DPP10: variants seen among roughly 807,000 people sequenced by gnomAD.
DPP10 encodes inactive dipeptidyl peptidase 10.
Under a neutral mutation model 120.9 loss-of-function variants are expected in DPP10, and 33 were observed. The ratio of observed to expected loss-of-function variants is 0.27; its 90% CI spans 0.21 to 0.37. The LOEUF is 0.37. DPP10 is among the 10% of genes least tolerant of loss of function. DPP10 has a pLI of 1.00. For synonymous variants in DPP10, 337 were observed against 326.1 expected, an observed-to-expected ratio of 1.03 and a Z score of -0.36; for missense variants, 816 against 942.8, an observed-to-expected ratio of 0.87 and a Z score of 1.76.
At chr2:115,638,782 A>G (rs2086552658) in intron 5 of DPP10, among the ~76,000 whole-genome samples, 1 of 152,216 alleles carries the variant, frequency 6.6e-6, no homozygotes, top group Non-Finnish European at 1.5e-5. Context: ...ATTTTGGTCA[A>G]CAAAACAGGA....
At position 114,652,988 on chromosome 2, in the gene DPP10, AAGAGAGAG is replaced by A. The variant is rs138466082; in HGVS notation, c.60+210164_60+210171del. ...TTTTCCCTCTTTTCTCTCTCATTGG[AAGAGAGAG>A]AGAGAGAGAGAGAAAGAGAGAGAGA... On this transcript the variant is annotated intron_variant, in intron 1 of 25. Transcript: ENST00000410059. 8.5e-3 allele frequency among the ~76,000 whole-genome samples: 1,154 copies of A among 135,454 alleles called. 8 individuals are homozygous for A. The highest frequency in any genetic ancestry group is 0.031 in the African/African-American group (1,090 of 35,150). 88.9% of individuals were successfully genotyped at this position (135,454 alleles called of 152,430 possible).
chr2:114,950,806 A>C (rs1697730042), intron 1 of DPP10, among the ~76,000 whole-genome samples: 2 of 152,172 alleles, frequency 1.3e-5, no homozygotes, highest in Non-Finnish European at 2.9e-5. Flanking sequence ...AAACACTAGA[A>C]AATAAATGAT....
intron 1 of DPP10, among the ~76,000 whole-genome samples, chr2:114,767,025 C>A (rs1233264062): frequency 6.8e-6 from 1 of 147,326 alleles, no homozygotes; most frequent in Admixed American, 6.9e-5. Flanking sequence ...TTTCCTAGAG[C>A]GAAACTAGTG....
At chr2:114,670,200 G>A (rs1447631430) in intron 1 of DPP10, among the ~76,000 whole-genome samples, 2 of 152,066 alleles carry the variant, frequency 1.3e-5, no homozygotes, top group African/African-American at 4.8e-5. Flanking sequence ...AAATCATGCT[G>A]CTATAAAGAC....
At position 115,746,135 on chromosome 2, in the gene DPP10, G is replaced by A; in HGVS notation, c.902G>A (p.Gly301Glu). ...TIKLYVVNLY[G>E]PTHTLELMPP... ...AAATTATATGTTGTAAACCTGTATG[G>A]ACCAACTCACACTTTGGAGCTCATG... Residue 301 changes from glycine to glutamate, a missense_variant, in exon 10 of 26, where the codon GGA becomes GAA. Physicochemically the swap from Gly to Glu is moderately conservative, Grantham distance 98 (BLOSUM62 -2). Coordinates refer to ENST00000410059, the MANE Select transcript of DPP10 (RefSeq NM_020868.6). The A allele has an allele frequency of 6.2e-7, 1 of 1,612,570 alleles. No individual in the cohort carries two copies. Among genetic ancestry groups the A allele is most frequent in the Non-Finnish European group, 8.5e-7 (1 of 1,179,496 alleles).
intron 1 of DPP10, among the ~76,000 whole-genome samples, chr2:114,691,563 G>C (rs983670559): frequency 6.6e-6 from 1 of 152,076 alleles, no homozygotes; most frequent in African/African-American, 2.4e-5. Flanking sequence ...TTTGTATCCG[G>C]ATGATGCTGA....
chr2:114,593,766 G>A (rs1184017815), intron 1 of DPP10, among the ~76,000 whole-genome samples: 1 of 152,082 alleles, frequency 6.6e-6, no homozygotes, highest in African/African-American at 2.4e-5. Flanking sequence ...TGGGGGATTG[G>A]CGGGGAGAAG....
chr2:114,846,409 A>G, intron 1 of DPP10, among the ~76,000 whole-genome samples: 1 of 152,180 alleles, frequency 6.6e-6, no homozygotes, highest in South Asian at 2.1e-4. Flanking sequence ...ATCTTTAAGA[A>G]ACAAAAATCA....
intron 1 of DPP10, among the ~76,000 whole-genome samples, chr2:114,866,112 A>AAAATAAATAAATAAATAAATAAAT (rs10650348): frequency 7.1e-6 from 1 of 141,600 alleles, no homozygotes; most frequent in Non-Finnish European, 1.5e-5. Context: ...CTCTGTCTCA[A>AAAATAAATAAATAAATAAATAAAT]AAATAAATAA....
At chr2:115,006,198 A>G (rs1701827799) in intron 1 of DPP10, among the ~76,000 whole-genome samples, 1 of 152,130 alleles carries the variant, frequency 6.6e-6, no homozygotes, top group South Asian at 2.1e-4. Flanking sequence ...GGCCTGCCCT[A>G]AAAGAGCTCC....
intron 1 of DPP10, among the ~76,000 whole-genome samples, chr2:114,970,323 T>C (rs1699310247): frequency 6.6e-6 from 1 of 152,130 alleles, no homozygotes; most frequent in South Asian, 2.1e-4. Flanking sequence ...AGCACATAGG[T>C]TTACTGGTCA....
intron 2 of DPP10, among the ~76,000 whole-genome samples, chr2:115,309,775 C>G (rs2061506141): frequency 6.6e-6 from 1 of 151,974 alleles, no homozygotes. Flanking sequence ...AAGATCAGAT[C>G]GAAAGAGAGT....
At chr2:114,840,963 T>C (rs1366042363) in intron 1 of DPP10, among the ~76,000 whole-genome samples, 2 of 152,250 alleles carry the variant, frequency 1.3e-5, no homozygotes, top group East Asian at 3.9e-4. Flanking sequence ...ACTGGCAAGC[T>C]TCCCTACCAG....
intron 12 of DPP10, among the ~76,000 whole-genome samples, chr2:115,766,452 G>A (rs909318680): frequency 2.7e-5 from 4 of 150,188 alleles, no homozygotes; most frequent in South Asian, 2.1e-4. Context: ...TATACAGTAT[G>A]TACATATGTA....
chr2:114,791,818 G>A (rs1381807296), intron 1 of DPP10, among the ~76,000 whole-genome samples: 3 of 152,166 alleles, frequency 2.0e-5, no homozygotes, highest in African/African-American at 7.2e-5. Context: ...ATATTTAATG[G>A]AAAATGCAAA....
intron 1 of DPP10, among the ~76,000 whole-genome samples, chr2:114,586,987 C>A (rs1412271456): frequency 6.6e-6 from 1 of 152,078 alleles, no homozygotes; most frequent in Non-Finnish European, 1.5e-5. Context: ...ATAAGTCAAA[C>A]CTCTTTTCTT....
intron 1 of DPP10, among the ~76,000 whole-genome samples, chr2:115,037,608 A>C (rs1178557061): frequency 6.6e-6 from 1 of 152,182 alleles, no homozygotes; most frequent in Non-Finnish European, 1.5e-5. Context: ...ATTTGTTAAT[A>C]ATGCAGGCAC....
chr2:114,549,654 G>C, intron 1 of DPP10, among the ~76,000 whole-genome samples: 1 of 124,932 alleles, frequency 8.0e-6, no homozygotes, highest in Non-Finnish European at 1.6e-5. Context: ...GAGTGAGACT[G>C]TGTGTCAACA....
intron 1 of DPP10, among the ~76,000 whole-genome samples, chr2:115,096,036 T>A (rs2104588538): frequency 6.6e-6 from 1 of 152,200 alleles, no homozygotes; most frequent in African/African-American, 2.4e-5. Context: ...AGTCATAAAA[T>A]TTTTATGTTA....
Sources: allele counts gnomAD v4.1 joint callset (sites outside exome capture counted in the v4.1 genomes callset), GRCh38; gene constraint gnomAD v4.1.1; transcripts MANE v1.5; gene names NCBI Gene and HGNC (gene_info 2026-07-23, HGNC 2026-07-21).